The following CYP4V2 variants were observed in gnomAD, a reference collection of about 807,000 sequenced individuals.
The protein encoded by CYP4V2 is cytochrome P450 4V2.
CYP4V2 carries 55 observed loss-of-function variants against 60.8 expected under a neutral mutation model. The observed-to-expected ratio is 0.90, with a 90% CI of 0.73 to 1.13. The LOEUF is 1.13. Ranked by LOEUF, CYP4V2 falls within the 50% of genes most tolerant of loss-of-function variation. CYP4V2 has a pLI of 0.00. For missense variants in CYP4V2, 675 were observed against 662.9 expected, an observed-to-expected ratio of 1.02 and a Z score of -0.20; for synonymous variants, 239 against 236.8, an observed-to-expected ratio of 1.01 and a Z score of -0.08.
At chr4:186,208,826 C>A (rs375565784) in intron 8 of CYP4V2, 39 bp from the exon 9 acceptor site, 25 of 1,614,176 alleles carry the variant, frequency 1.5e-5, no homozygotes, top group Non-Finnish European at 2.0e-5. Flanking sequence ...CCAGCCCCCA[C>A]TGCTCTTTCA....
In CYP4V2 at chr4:186,198,947, C is replaced by T. The variant is rs543494566; in HGVS notation, c.675-10C>T. ...ATACAACAGCTGATGTATTTTTATCCCATTTATAGAATGAGTGAGATGATA... is the reference window on the plus strand; with the variant it reads ...ATACAACAGCTGATGTATTTTTATCTCATTTATAGAATGAGTGAGATGATA... On this transcript the variant is annotated splice_polypyrimidine_tract_variant and intron_variant, in intron 5 of 10. Transcript: ENST00000378802. The T allele has an allele frequency of 4.3e-6, 7 of 1,613,846 alleles. No individual in the cohort carries two copies. The South Asian group carries it at 7.7e-5, about 18-fold the overall frequency.
At chr4:186,205,109 A>G in intron 7 of CYP4V2, 91 bp from the exon 8 acceptor site, 1 of 1,220,692 alleles carries the variant, frequency 8.2e-7, no homozygotes, top group Admixed American at 1.7e-5. Flanking sequence ...GCAGTCATCA[A>G]ATCCAGAGAC....
At position 186,205,189 on chromosome 4, in the gene CYP4V2, TGCATTTGTAGGGGCAC is replaced by T; in HGVS notation, c.988-9_994del. 6.2e-7 allele frequency: 1 copy of T among 1,613,874 alleles called. No homozygotes were observed. The highest frequency in any genetic ancestry group is 2.2e-5 in the East Asian group (1 of 44,882). The stretch of plus-strand genomic sequence containing the variant: ...CTCTGCTTTTTAAGCTATTGTTTTC[TGCATTTGTAGGGGCAC>T]GATACAACTGCAGCTGCAATAAACT... On this transcript the variant is annotated splice_acceptor_variant and splice_polypyrimidine_tract_variant and coding_sequence_variant and intron_variant, in exon 8 of 11. Coordinates refer to ENST00000378802, the MANE Select transcript of CYP4V2 (RefSeq NM_207352.4). LOFTEE classifies it high-confidence loss of function.
chr4:186,210,984 C>G lies in CYP4V2; in HGVS notation c.*343C>G. Reference sequence around the variant, plus strand: ...CCCAAGTAGCTGGGATTACAGGTGCCTGCCACCATGCCTGGCTAATTTTTT... The same window carrying G: ...CCCAAGTAGCTGGGATTACAGGTGCGTGCCACCATGCCTGGCTAATTTTTT... On this transcript the variant is annotated 3_prime_UTR_variant, in exon 11 of 11. Coordinates refer to ENST00000378802, the MANE Select transcript of CYP4V2 (RefSeq NM_207352.4). 3 of 245,726 alleles carry G rather than the reference C, an allele frequency of 1.2e-5. No individual in the cohort carries two copies. Among genetic ancestry groups the G allele is most frequent in the Admixed American group, 5.2e-5 (1 of 19,086 alleles). 15.2% of individuals were successfully genotyped at this position (245,726 alleles called of 1,614,324 possible). A position where few individuals can be genotyped will look rare whatever the true frequency, so the allele number is the denominator to read the frequency against.
rs1203727501 is a variant in CYP4V2 at position 186,201,256 on chromosome 4, G to A, written c.901G>A (p.Asp301Asn). 3.7e-6 allele frequency: 6 copies of A among 1,614,028 alleles called. No homozygotes were observed. The African/African-American group carries it at 6.7e-5, about 18-fold the overall frequency. The stretch of plus-strand genomic sequence containing the variant: ...CAAAAATAAACGCAGGGCCTTTCTT[G>A]ACTTGCTTTTAAGTGTGACTGATGA... Reference protein sequence around the residue: ...PSKNKRRAFLDLLLSVTDDEG... With the variant: ...PSKNKRRAFLNLLLSVTDDEG... Residue 301 changes from aspartate to asparagine, a missense_variant, in exon 7 of 11, where the codon GAC becomes AAC. Asp to Asn is a conservative substitution (Grantham distance 23, BLOSUM62 1). Coordinates refer to ENST00000378802, the MANE Select transcript of CYP4V2 (RefSeq NM_207352.4).
chr4:186,195,926 C>G lies in CYP4V2; in HGVS notation c.328-77C>G. On this transcript the variant is annotated intron_variant, in intron 2 of 10. Transcript: ENST00000378802. The surrounding 1 kb of genome is among the most constrained non-coding windows in gnomAD (Gnocchi z 4.1). ...GAATGCCCTAAAAACTAGCTGTATT[C>G]TAGCCAGTATTCCTATAATTACAGG... The G allele has an allele frequency of 9.6e-7, 1 of 1,037,258 alleles. No homozygotes were observed. Among genetic ancestry groups the G allele is most frequent in the Non-Finnish European group, 1.5e-6 (1 of 667,908 alleles). The allele number at this position is 1,037,258 out of a possible 1,614,324, so 64.3% of individuals were successfully genotyped here.
chr4:186,191,922 G>C lies in CYP4V2; in HGVS notation c.99G>C (p.Leu33=). ...SLAGASLVLS[L]LQRVASYARK... is the part of the protein sequence containing the mutation. ...CCGGCGCCAGTCTGGTCCTGAGCCT[G>C]CTGCAGAGGGTGGCGAGCTACGCGC... Residue 33 remains leucine, a synonymous_variant, in exon 1 of 11, where the codon CTG becomes CTC. Transcript: ENST00000378802. 1 of 1,593,876 alleles carries C rather than the reference G, an allele frequency of 6.3e-7. No individual in the cohort carries two copies. The highest frequency in any genetic ancestry group is 1.1e-5 in the South Asian group (1 of 88,524).
chr4:186,204,927 T>C lies in CYP4V2; in HGVS notation c.988-273T>C, dbSNP rs78953355. 2,438 of 487,782 alleles carry C rather than the reference T, an allele frequency of 5.0e-3. 12 individuals carry two copies. Among genetic ancestry groups the C allele is most frequent in the South Asian group, 8.6e-3 (415 of 48,498 alleles). The allele number at this position is 487,782 out of a possible 1,614,324, so 30.2% of individuals were successfully genotyped here. On this transcript the variant is annotated intron_variant, in intron 7 of 10. Transcript: ENST00000378802. ...AAAGGCGCAGCTCACCTCGTGCCCA[T>C]GGAACGCCGCCTTTATTAACACAGC...
At chr4:186,203,747 G>A (rs1252026885) in intron 7 of CYP4V2, 1 of 152,244 alleles carries the variant, frequency 6.6e-6, no homozygotes, top group Non-Finnish European at 1.5e-5. Flanking sequence ...TTCCGAGTAG[G>A]TTTTGTAACT....
intron 7 of CYP4V2, 24 bp downstream of exon 7, chr4:186,201,366 A>T: frequency 6.2e-7 from 1 of 1,611,218 alleles, no homozygotes; most frequent in Non-Finnish European, 8.5e-7. Context: ...TTAGGTTCAG[A>T]TATCATTAAA....
intron 1 of CYP4V2, 108 bp downstream of exon 1, chr4:186,192,145 G>A (rs746984953): frequency 1.4e-6 from 2 of 1,389,136 alleles, no homozygotes; most frequent in Non-Finnish European, 9.9e-7. Flanking sequence ...GGAGAGAGGA[G>A]CCTGTCACCC....
rs374279145 is a variant in CYP4V2 at position 186,195,997 on chromosome 4, C to T, written c.328-6C>T. 3 of 1,601,806 alleles carry T rather than the reference C, an allele frequency of 1.9e-6. No homozygotes were observed. The African/African-American group carries it at 4.0e-5, about 21-fold the overall frequency. Reference sequence around the variant, plus strand: ...TGTCTCTAAAGTATGTTTTTCTCTTCCTAAGGTAATTTTAACTAGTTCAAA... The same window carrying T: ...TGTCTCTAAAGTATGTTTTTCTCTTTCTAAGGTAATTTTAACTAGTTCAAA... On this transcript the variant is annotated splice_polypyrimidine_tract_variant and splice_region_variant and intron_variant, in intron 2 of 10. Coordinates refer to ENST00000378802, the MANE Select transcript of CYP4V2 (RefSeq NM_207352.4). The surrounding 1 kb of genome is among the most constrained non-coding windows in gnomAD (Gnocchi z 4.1).
Position 186,191,734 on chromosome 4 carries a change from G to T in CYP4V2, c.-90G>T. The T allele has an allele frequency of 1.6e-6, 2 of 1,226,726 alleles. No homozygotes were observed. Among genetic ancestry groups the T allele is most frequent in the Non-Finnish European group, 2.1e-6 (2 of 959,384 alleles). 76.0% of individuals were successfully genotyped at this position (1,226,726 alleles called of 1,614,324 possible). On this transcript the variant is annotated 5_prime_UTR_variant, in exon 1 of 11. Transcript: ENST00000378802. ...GAGCGCGCCAGGTCCGCGCGGGGAA[G>T]TGGGCGGTGTGCGGCCGGCACCGCC...
chr4:186,199,727 A>G (rs1736254405), intron 6 of CYP4V2, among the ~76,000 whole-genome samples: 1 of 152,260 alleles, frequency 6.6e-6, no homozygotes, highest in Admixed American at 6.5e-5. Flanking sequence ...TTTCCAATTC[A>G]AAAATAACCA....
chr4:186,203,053 T>C (rs1736370411), intron 7 of CYP4V2: 1 of 121,590 alleles, frequency 8.2e-6, no homozygotes, highest in Non-Finnish European at 1.9e-5. Context: ...CATACATAGA[T>C]GCACATATAT....
rs2126583739 is a variant in CYP4V2, at chr4:186,195,983, T to G, written c.328-20T>G. On this transcript the variant is annotated intron_variant, in intron 2 of 10. Coordinates refer to ENST00000378802, the MANE Select transcript of CYP4V2 (RefSeq NM_207352.4). The surrounding 1 kb of genome is among the most constrained non-coding windows in gnomAD (Gnocchi z 4.1). ...GTTTGATGTCTGTATGTCTCTAAAG[T>G]ATGTTTTTCTCTTCCTAAGGTAATT... 1 of 1,558,858 alleles carries G rather than the reference T, an allele frequency of 6.4e-7. No individual in the cohort carries two copies. The highest frequency in any genetic ancestry group is 1.4e-5 in the African/African-American group (1 of 73,834).
chr4:186,201,329 C>T lies in CYP4V2; in HGVS notation c.974C>T (p.Thr325Ile), dbSNP rs199476196. 5.0e-6 allele frequency: 8 copies of T among 1,613,948 alleles called. No homozygotes were observed. In the Admixed American group the frequency reaches 8.3e-5, roughly 17 times the overall value. The change falls in exon 7 of 11, where the codon ACC becomes ATC. Residue 325 changes from threonine to isoleucine, a missense_variant. Physicochemically the swap from Thr to Ile is moderately conservative, Grantham distance 89. Coordinates refer to ENST00000378802, the MANE Select transcript of CYP4V2 (RefSeq NM_207352.4). ...GAAGATATTCGAGAAGAAGTTGACA[C>T]CTTCATGTTTGAGGTATTGTATATT... ...SHEDIREEVD[T>I]FMFEGHDTTA...
At chr4:186,193,412 C>T (rs1015735733) in intron 1 of CYP4V2, among the ~76,000 whole-genome samples, 14 of 152,124 alleles carry the variant, frequency 9.2e-5, no homozygotes, top group Admixed American at 6.5e-5. Flanking sequence ...AAGACAATGA[C>T]GAATACTGTC....
rs1736171711 is a variant in CYP4V2, at chr4:186,197,106, C to T, written c.580C>T (p.Leu194Phe). ...EAFNCFFYIT[L>F]CALDIICETA... ...ATTTAACTGCTTTTTTTACATCACTCTTTGTGCCTTAGATATCATCTGTGG... is the reference window on the plus strand; with the variant it reads ...ATTTAACTGCTTTTTTTACATCACTTTTTGTGCCTTAGATATCATCTGTGG... The change falls in exon 4 of 11, where the codon CTT becomes TTT. Residue 194 changes from leucine to phenylalanine, a missense_variant. Coordinates refer to ENST00000378802, the MANE Select transcript of CYP4V2 (RefSeq NM_207352.4). 1.2e-6 allele frequency: 2 copies of T among 1,613,912 alleles called. No homozygotes were observed. Among genetic ancestry groups the T allele is most frequent in the Non-Finnish European group, 1.7e-6 (2 of 1,180,042 alleles).
Sources: gnomAD v4.1 joint callset for allele counts (sites outside exome capture counted in the v4.1 genomes callset) on GRCh38, gnomAD v4.1.1 for gene constraint, Gnocchi (gnomAD v3.1) non-coding constraint, MANE v1.5 for transcripts, NCBI Gene and HGNC (gene_info 2026-07-23, HGNC 2026-07-21) for gene names.